The following DAOA variants were observed in gnomAD, a reference collection of about 807,000 sequenced individuals.
DAOA encodes D-amino acid oxidase regulator.
Under a neutral mutation model 16.4 loss-of-function variants are expected in DAOA, and 15 were observed. That is an observed-to-expected ratio of 0.91 (90% CI 0.61 to 1.41). The LOEUF is 1.41. Among genes scored for constraint, DAOA ranks in the 40% most tolerant of loss-of-function variants. The probability of loss-of-function intolerance (pLI) is 0.00; values close to 1 mark genes in which losing one functional copy is unlikely to be tolerated. For missense variants in DAOA, 230 were observed against 176.8 expected, an observed-to-expected ratio of 1.30 and a Z score of -1.71; for synonymous variants, 75 against 59.1, an observed-to-expected ratio of 1.27 and a Z score of -1.23.
chr13:105,479,000 T>A (rs1016513069), intron 4 of DAOA, among the ~76,000 whole-genome samples: 6 of 152,328 alleles, frequency 3.9e-5, no homozygotes, highest in African/African-American at 1.4e-4. Context: ...CATCCATTCA[T>A]TCAACAACTA....
chr13:105,488,465 A>C (rs1189427482), intron 4 of DAOA, among the ~76,000 whole-genome samples: 2 of 152,160 alleles, frequency 1.3e-5, no homozygotes, highest in Non-Finnish European at 2.9e-5. Flanking sequence ...GACTGTAACT[A>C]TTTATCTTTT....
intron 4 of DAOA, among the ~76,000 whole-genome samples, chr13:105,486,605 T>C (rs1878126725): frequency 7.2e-6 from 1 of 139,726 alleles, no homozygotes; most frequent in East Asian, 2.0e-4. Context: ...GTATCGACTA[T>C]TTTCTTTCTT....
rs761153772 is a variant in DAOA, at chr13:105,489,797, G to A, written c.282-104G>A. 8.1e-6 allele frequency: 13 copies of A among 1,610,060 alleles called. No homozygotes were observed. In the African/African-American group the frequency reaches 1.7e-4, roughly 22 times the overall value. On this transcript the variant is annotated intron_variant, in intron 4 of 5. Coordinates refer to ENST00000375936, the MANE Select transcript of DAOA (RefSeq NM_172370.5). ...TTACCCTTGAATGTGGGCAGGAGCT[G>A]GGACTTCTAACCAATGGAACATGGG...
chr13:105,485,361 A>G (rs1217624588), intron 4 of DAOA, among the ~76,000 whole-genome samples: 4 of 152,180 alleles, frequency 2.6e-5, no homozygotes, highest in Non-Finnish European at 5.9e-5. Flanking sequence ...TTGTGTCTCA[A>G]CAAATGGCAT....
chr13:105,478,240 AC>A (rs922225102), intron 4 of DAOA, among the ~76,000 whole-genome samples: 14 of 151,966 alleles, frequency 9.2e-5, no homozygotes, highest in African/African-American at 3.1e-4. Context: ...TTTCTAAAAA[AC>A]CTTTTCTTCA....
intron 4 of DAOA, chr13:105,477,097 C>T (rs974648199): frequency 2.6e-5 from 4 of 152,178 alleles, no homozygotes; most frequent in African/African-American, 9.7e-5. Context: ...AACCTGGTGG[C>T]TTACATCTTT....
At chr13:105,485,112 A>C (rs7984976) in intron 4 of DAOA, among the ~76,000 whole-genome samples, 50,624 of 152,026 alleles carry the variant, frequency 0.33, 10,113 homozygotes, top group East Asian at 0.59. Flanking sequence ...GGTTTCTTCT[A>C]TTCTGACTAA....
rs762839141 is a variant in DAOA at position 105,470,947 on chromosome 13, A to C, written c.134-1591A>C. Among the ~76,000 whole-genome samples the C allele has an allele frequency of 9.5e-4, 145 of 152,096 alleles. 1 individual carries two copies. Among genetic ancestry groups the C allele is most frequent in the East Asian group, 7.8e-3 (40 of 5,150 alleles). ...CTGGGACTACAGGCGCCCACCACCA[A>C]GCCTGGCTAATTTTTTGTTTTTAGT... On this transcript the variant is annotated intron_variant, in intron 3 of 5. Transcript: ENST00000375936.
intron 4 of DAOA, among the ~76,000 whole-genome samples, chr13:105,485,605 C>A (rs1204205832): frequency 2.0e-5 from 3 of 152,056 alleles, no homozygotes; most frequent in South Asian, 2.1e-4. Flanking sequence ...ATGAATATGA[C>A]CTTATTTAGA....
At position 105,467,098 on chromosome 13, in the gene DAOA, G is replaced by A. The variant is rs868491215; in HGVS notation, c.90G>A (p.Arg30=). 1.2e-6 allele frequency: 2 copies of A among 1,610,938 alleles called. No individual in the cohort carries two copies. The highest frequency in any genetic ancestry group is 1.1e-5 in the South Asian group (1 of 90,794). Residue 30 remains arginine (R), a synonymous_variant, in exon 3 of 6, where the codon AGG becomes AGA. Transcript: ENST00000375936. ...LGKIYFIGFQ[R]SILLSKSENS... ...AAATCTACTTCATAGGTTTTCAAAG[G>A]AGCATTCTTCTGAGCAAATCTGAAA...
At chr13:105,489,093 C>T (rs891277705) in intron 4 of DAOA, among the ~76,000 whole-genome samples, 7 of 152,098 alleles carry the variant, frequency 4.6e-5, no homozygotes, top group Non-Finnish European at 8.8e-5. Flanking sequence ...ACTTACAGGA[C>T]GGTGTGATTA....
intron 4 of DAOA, among the ~76,000 whole-genome samples, chr13:105,482,885 A>G (rs1877852471): frequency 6.6e-6 from 1 of 152,110 alleles, no homozygotes; most frequent in African/African-American, 2.4e-5. Flanking sequence ...GGCATAACTG[A>G]CACACTAAAC....
chr13:105,487,437 A>G (rs1275181724), intron 4 of DAOA, among the ~76,000 whole-genome samples: 1 of 152,184 alleles, frequency 6.6e-6, no homozygotes, highest in Non-Finnish European at 1.5e-5. Flanking sequence ...TGTAAGAAAC[A>G]GGACTGGCAA....
At chr13:105,466,773 A>G (rs981232779) in intron 2 of DAOA, among the ~76,000 whole-genome samples, 3 of 152,176 alleles carry the variant, frequency 2.0e-5, no homozygotes, top group African/African-American at 7.2e-5. Flanking sequence ...GAGATTTTTA[A>G]AAAGCAAAGG....
Position 105,489,771 on chromosome 13 carries a change from C to G in DAOA, c.282-130C>G, listed in dbSNP as rs539330715. The stretch of plus-strand genomic sequence containing the variant: ...TGGTGGTCACACATTTGTATAACCC[C>G]TTACCCTTGAATGTGGGCAGGAGCT... On this transcript the variant is annotated intron_variant, in intron 4 of 5. Coordinates refer to ENST00000375936, the MANE Select transcript of DAOA (RefSeq NM_172370.5). 21 of 1,591,862 alleles carry G rather than the reference C, an allele frequency of 1.3e-5. No homozygotes were observed. The South Asian group carries it at 2.4e-4, about 18-fold the overall frequency.
At chr13:105,482,357 ATT>A (rs67240766) in intron 4 of DAOA, among the ~76,000 whole-genome samples, 10,105 of 142,972 alleles carry the variant, frequency 0.071, 409 homozygotes, top group African/African-American at 0.12. Flanking sequence ...TTTAACTCTC[ATT>A]TTTTTTTTTA....
At chr13:105,471,342 T>A (rs112009534) in intron 3 of DAOA, among the ~76,000 whole-genome samples, 1,957 of 152,290 alleles carry the variant, frequency 0.013, 43 homozygotes, top group African/African-American at 0.044. Flanking sequence ...GTGAAGGATA[T>A]GAGTCGAATA....
intron 4 of DAOA, among the ~76,000 whole-genome samples, chr13:105,472,916 G>T (rs1877075365): frequency 1.3e-5 from 2 of 151,950 alleles, no homozygotes; most frequent in East Asian, 1.9e-4. Flanking sequence ...CTTGAATTTT[G>T]TTTTTTATAA....
At chr13:105,473,311 A>T (rs1877118027) in intron 4 of DAOA, among the ~76,000 whole-genome samples, 1 of 152,018 alleles carries the variant, frequency 6.6e-6, no homozygotes, top group African/African-American at 2.4e-5. Flanking sequence ...TTTGCCTCTT[A>T]TGATAATTAT....
Sources: allele counts gnomAD v4.1 joint callset (sites outside exome capture counted in the v4.1 genomes callset), GRCh38; gene constraint gnomAD v4.1.1; transcripts MANE v1.5; gene names NCBI Gene and HGNC (gene_info 2026-07-23, HGNC 2026-07-21).